Variants in IGF1R observed in about 807,000 individuals in gnomAD.
IGF1R encodes insulin like growth factor 1 receptor.
Under a neutral mutation model 144.6 loss-of-function variants are expected in IGF1R, and 44 were observed. The observed-to-expected ratio is 0.30, with a 90% CI of 0.24 to 0.39. IGF1R has a LOEUF of 0.39. Ranked by LOEUF, IGF1R falls within the 10% of genes least tolerant of loss-of-function variation. The pLI is 1.00. For synonymous variants in IGF1R, 795 were observed against 722.8 expected (o/e 1.10, Z -1.60); for missense variants, 1,355 against 1,833.7 (o/e 0.74, Z 4.77).
chr15:98,945,111 C>T (rs2016503051), intron 19 of IGF1R, among the ~76,000 whole-genome samples: 1 of 152,250 alleles, frequency 6.6e-6, no homozygotes, highest in South Asian at 2.1e-4. Context: ...AGGGTGCCCT[C>T]TAGGCATGGA....
At position 98,928,073 on chromosome 15, in the gene IGF1R, A is replaced by T. The variant is rs571491627; in HGVS notation, c.2783-1485A>T. Among the ~76,000 whole-genome samples the T allele has an allele frequency of 2.8e-4, 42 of 152,098 alleles. 2 individuals carry two copies. Among genetic ancestry groups the T allele is most frequent in the Admixed American group, 2.6e-3 (40 of 15,272 alleles). ...CCTTCACTCTTCTTTCTGTTCAGCCACCCCTTTTTCATTCCAACCCAAGCC... is the reference window on the plus strand; with the variant it reads ...CCTTCACTCTTCTTTCTGTTCAGCCTCCCCTTTTTCATTCCAACCCAAGCC... On this transcript the variant is annotated intron_variant, in intron 13 of 20. Coordinates refer to ENST00000650285, the MANE Select transcript of IGF1R (RefSeq NM_000875.5).
chr15:98,888,149 C>T (rs2013730137), intron 2 of IGF1R, among the ~76,000 whole-genome samples: 1 of 152,224 alleles, frequency 6.6e-6, no homozygotes, highest in African/African-American at 2.4e-5. Flanking sequence ...CACCAGGCAG[C>T]TCCACTCACT....
chr15:98,856,530 C>T (rs1209368429), intron 2 of IGF1R, among the ~76,000 whole-genome samples: 2 of 152,226 alleles, frequency 1.3e-5, no homozygotes, highest in African/African-American at 2.4e-5. Context: ...GACATAGATG[C>T]TGTATGCCTT....
At chr15:98,926,802 A>G (rs776029055) in intron 13 of IGF1R, among the ~76,000 whole-genome samples, 1 of 152,194 alleles carries the variant, frequency 6.6e-6, no homozygotes, top group Non-Finnish European at 1.5e-5. Context: ...AATTTTGTCA[A>G]TTAAAATAGT....
intron 2 of IGF1R, among the ~76,000 whole-genome samples, chr15:98,736,610 C>CTTTTTTTTTTTTT (rs1321651793): frequency 1.4e-5 from 2 of 138,980 alleles, no homozygotes; most frequent in African/African-American, 2.6e-5. Flanking sequence ...TTTCTTTTTT[C>CTTTTTTTTTTTTT]TTTTTTCTTT....
chr15:98,940,965 G>A (rs747821520), intron 18 of IGF1R, among the ~76,000 whole-genome samples: 11 of 152,208 alleles, frequency 7.2e-5, no homozygotes, highest in Non-Finnish European at 1.5e-4. Flanking sequence ...AGCCGCCCGC[G>A]TCCCTGGCTG....
chr15:98,825,776 A>G (rs978837518), intron 2 of IGF1R, among the ~76,000 whole-genome samples: 11 of 152,386 alleles, frequency 7.2e-5, no homozygotes, highest in African/African-American at 2.2e-4. Flanking sequence ...TTATTAGGGA[A>G]TAATGACAAG....
chr15:98,945,910 C>T (rs933575232), intron 19 of IGF1R, among the ~76,000 whole-genome samples: 8 of 151,932 alleles, frequency 5.3e-5, no homozygotes, highest in Admixed American at 2.6e-4. Context: ...CAGTTCACCT[C>T]GACAAGCGTT....
chr15:98,706,799 A>G (rs1485050845), intron 1 of IGF1R, among the ~76,000 whole-genome samples: 2 of 150,622 alleles, frequency 1.3e-5, no homozygotes, highest in Non-Finnish European at 3.0e-5. Context: ...TTATCGTGGA[A>G]TGTTGAGATC....
chr15:98,865,574 C>G (rs1020025733), intron 2 of IGF1R, among the ~76,000 whole-genome samples: 1 of 152,200 alleles, frequency 6.6e-6, no homozygotes, highest in Admixed American at 6.5e-5. Flanking sequence ...GGAGTGGGGC[C>G]CGGGCGTGGC....
chr15:98,749,613 A>G (rs2054955687), intron 2 of IGF1R, among the ~76,000 whole-genome samples: 1 of 152,228 alleles, frequency 6.6e-6, no homozygotes, highest in African/African-American at 2.4e-5. Flanking sequence ...GTGTTTTTGT[A>G]ATTAGAATGT....
intron 2 of IGF1R, among the ~76,000 whole-genome samples, chr15:98,749,798 T>C (rs2054960853): frequency 6.6e-6 from 1 of 152,218 alleles, no homozygotes; most frequent in Non-Finnish European, 1.5e-5. Flanking sequence ...ACACTTCTCA[T>C]TTTTCTGGTT....
At chr15:98,762,824 G>A (rs2055339505) in intron 2 of IGF1R, among the ~76,000 whole-genome samples, 2 of 150,698 alleles carry the variant, frequency 1.3e-5, no homozygotes, top group African/African-American at 4.9e-5. Flanking sequence ...GAGGCGGGCC[G>A]ATCACAAGGT....
intron 1 of IGF1R, among the ~76,000 whole-genome samples, chr15:98,677,507 C>T (rs1418931063): frequency 6.6e-6 from 1 of 152,160 alleles, no homozygotes; most frequent in African/African-American, 2.4e-5. Flanking sequence ...GAAAGCCTGC[C>T]TAATAAGGGA....
chr15:98,734,790 G>A (rs1300020165), intron 2 of IGF1R: 1 of 152,194 alleles, frequency 6.6e-6, no homozygotes, highest in East Asian at 1.9e-4. Context: ...GGGGAGCTAT[G>A]AAATAACTTT....
Position 98,959,880 on chromosome 15 carries a change from TAGG to T in IGF1R, c.*2441_*2443del, listed in dbSNP as rs1464140303. The T allele has an allele frequency of 8.6e-5, 20 of 232,500 alleles. No individual in the cohort carries two copies. The highest frequency in any genetic ancestry group is 1.1e-4 in the Non-Finnish European group (13 of 117,908). 14.4% of individuals were successfully genotyped at this position (232,500 alleles called of 1,614,324 possible). A position where few individuals can be genotyped will look rare whatever the true frequency, so the allele number is the denominator to read the frequency against. ...AAAAAAAAAAAAAAGGTATTATATG[TAGG>T]AGTTTTCTTTTAATTTATTTTGTGA... is the stretch of plus-strand genomic sequence containing the variant. On this transcript the variant is annotated 3_prime_UTR_variant, in exon 21 of 21. Transcript: ENST00000650285.
chr15:98,748,099 A>G (rs1284507493), intron 2 of IGF1R, among the ~76,000 whole-genome samples: 6 of 152,230 alleles, frequency 3.9e-5, no homozygotes, highest in South Asian at 2.1e-4. Context: ...TATCAGAGAA[A>G]TGTTTCTCAT....
At chr15:98,771,404 G>A (rs932602909) in intron 2 of IGF1R, among the ~76,000 whole-genome samples, 1 of 152,134 alleles carries the variant, frequency 6.6e-6, no homozygotes, top group Non-Finnish European at 1.5e-5. Flanking sequence ...TTTCATAGGG[G>A]TTCTCAGATT....
In IGF1R at chr15:98,915,989, T is replaced by C; in HGVS notation, c.1854T>C (p.Leu618=). ...ASVPSIPLDV[L]SASNSSSQLI... ...TTCCTTCCATTCCCTTGGACGTTCT[T>C]TCAGCATCGAACTCCTCTTCTCAGT... Residue 618 remains leucine (L), a synonymous_variant, in exon 9 of 21, where the codon CTT becomes CTC. Coordinates refer to ENST00000650285, the MANE Select transcript of IGF1R (RefSeq NM_000875.5). 2 of 1,614,170 alleles carry C rather than the reference T, an allele frequency of 1.2e-6. No individual in the cohort carries two copies. Among genetic ancestry groups the C allele is most frequent in the East Asian group, 4.5e-5 (2 of 44,876 alleles).
Sources: allele counts gnomAD v4.1 joint callset (sites outside exome capture counted in the v4.1 genomes callset), GRCh38; gene constraint gnomAD v4.1.1; transcripts MANE v1.5; gene names NCBI Gene and HGNC (gene_info 2026-07-23, HGNC 2026-07-21).